The following FARP2 variants were observed in gnomAD, a reference collection of about 807,000 sequenced individuals.
FARP2 encodes FERM, ARH/RhoGEF and pleckstrin domain protein 2.
A neutral mutation model predicts 130.5 loss-of-function variants in FARP2; 111 were observed. The observed-to-expected ratio is 0.85, with a 90% CI of 0.73 to 1.00. The LOEUF is 1.00. FARP2 is among the 50% of genes least tolerant of loss of function. The pLI is 0.00. For synonymous variants in FARP2, 504 were observed against 516.9 expected (o/e 0.98, Z 0.34); for missense variants, 1,385 against 1,346.3 (o/e 1.03, Z -0.45).
intron 8 of FARP2, among the ~76,000 whole-genome samples, chr2:241,427,948 A>G (rs1369148956): frequency 6.6e-6 from 1 of 151,984 alleles, no homozygotes; most frequent in African/African-American, 2.4e-5. Context: ...TTGTATTTTT[A>G]GTAGAGGCGG....
Position 241,413,297 on chromosome 2 carries a change from C to T in FARP2, c.509-10C>T, listed in dbSNP as rs754342541. 3 of 1,562,580 alleles carry T rather than the reference C, an allele frequency of 1.9e-6. No individual in the cohort carries two copies. The highest frequency in any genetic ancestry group is 2.6e-6 in the Non-Finnish European group (3 of 1,142,178). On this transcript the variant is annotated splice_polypyrimidine_tract_variant and intron_variant, in intron 6 of 26. Coordinates refer to ENST00000264042, the MANE Select transcript of FARP2 (RefSeq NM_014808.4). Reference sequence around the variant, plus strand: ...TTAAAAATTAGTTACTTACTTTTAACCTATCTCAGCGGAAATAGGAGATTA... The same window carrying T: ...TTAAAAATTAGTTACTTACTTTTAATCTATCTCAGCGGAAATAGGAGATTA...
intron 2 of FARP2, among the ~76,000 whole-genome samples, chr2:241,379,487 T>C (rs920702045): frequency 3.3e-5 from 5 of 152,352 alleles, no homozygotes; most frequent in Admixed American, 3.3e-4. Flanking sequence ...GGGTGGACTT[T>C]CCTTTTCTTT....
chr2:241,462,481 AT>A (rs1314578089), intron 14 of FARP2, 41 bp from the exon 15 acceptor site: 1 of 1,437,746 alleles, frequency 7.0e-7, no homozygotes, highest in African/African-American at 1.4e-5. Flanking sequence ...GGAGGGTCCC[AT>A]GTCCCAGGGA....
At chr2:241,406,631 G>T (rs982647605) in intron 4 of FARP2, among the ~76,000 whole-genome samples, 1 of 151,594 alleles carries the variant, frequency 6.6e-6, no homozygotes, top group Admixed American at 6.6e-5. Context: ...TTTTTTTGGG[G>T]GGGAGAGGGG....
At chr2:241,448,640 A>G (rs2150432340) in intron 13 of FARP2, among the ~76,000 whole-genome samples, 1 of 152,354 alleles carries the variant, frequency 6.6e-6, no homozygotes, top group South Asian at 2.1e-4. Context: ...ATCTGGACAA[A>G]TGGCCCAAAG....
intron 13 of FARP2, chr2:241,444,588 T>C (rs1340532903): frequency 6.6e-6 from 1 of 152,254 alleles, no homozygotes; most frequent in Non-Finnish European, 1.5e-5. Flanking sequence ...AAGCTAATGC[T>C]GTGGAAGCTG....
At chr2:241,455,791 G>GT (rs1256249512) in intron 13 of FARP2, among the ~76,000 whole-genome samples, 1 of 136,296 alleles carries the variant, frequency 7.3e-6, no homozygotes, top group Non-Finnish European at 1.5e-5. Flanking sequence ...CCAGGCTGGA[G>GT]TGCAGTGGTG....
At chr2:241,361,428 C>G (rs1022172914) in intron 1 of FARP2, among the ~76,000 whole-genome samples, 1 of 152,224 alleles carries the variant, frequency 6.6e-6, no homozygotes, top group African/African-American at 2.4e-5. Flanking sequence ...CTTTCTCCAA[C>G]TTAATGTACC....
intron 17 of FARP2, among the ~76,000 whole-genome samples, chr2:241,466,885 G>T (rs892888932): frequency 1.3e-5 from 2 of 151,826 alleles, no homozygotes; most frequent in Non-Finnish European, 2.9e-5. Context: ...ATTCCTTTAT[G>T]ATAGGATTCT....
chr2:241,401,935 G>A (rs913755468), intron 2 of FARP2, among the ~76,000 whole-genome samples: 11 of 152,046 alleles, frequency 7.2e-5, no homozygotes, highest in African/African-American at 1.9e-4. Context: ...GATTACAGGC[G>A]TGCACCACCA....
chr2:241,397,844 T>C (rs1040907235), intron 2 of FARP2, among the ~76,000 whole-genome samples: 2 of 150,096 alleles, frequency 1.3e-5, no homozygotes, highest in African/African-American at 2.4e-5. Flanking sequence ...TTTTTTTTTT[T>C]TTTTTGAGAC....
At chr2:241,406,701 T>C (rs890671079) in intron 4 of FARP2, among the ~76,000 whole-genome samples, 2 of 152,154 alleles carry the variant, frequency 1.3e-5, no homozygotes, top group Non-Finnish European at 2.9e-5. Flanking sequence ...TGGGTTCAAG[T>C]GATCCACCAG....
chr2:241,471,785 G>A (rs575009368), intron 18 of FARP2, among the ~76,000 whole-genome samples: 54 of 152,140 alleles, frequency 3.5e-4, no homozygotes, highest in Admixed American at 9.8e-4. Context: ...ATGAGCCACC[G>A]CGCCCAGCCG....
At chr2:241,460,525 A>G (rs2063985852) in intron 14 of FARP2, among the ~76,000 whole-genome samples, 1 of 151,826 alleles carries the variant, frequency 6.6e-6, no homozygotes, top group Non-Finnish European at 1.5e-5. Flanking sequence ...TGATCCTCCC[A>G]TATCAGCCTC....
At chr2:241,462,045 T>C (rs2064034784) in intron 14 of FARP2, among the ~76,000 whole-genome samples, 2 of 152,318 alleles carry the variant, frequency 1.3e-5, no homozygotes, top group South Asian at 4.1e-4. Flanking sequence ...GGGCTGTCTC[T>C]AGCAGGGCAC....
chr2:241,357,660 T>G (rs1276334171), intron 1 of FARP2, among the ~76,000 whole-genome samples: 1 of 152,190 alleles, frequency 6.6e-6, no homozygotes, highest in Non-Finnish European at 1.5e-5. Flanking sequence ...AAATACCATC[T>G]GTACTTCTCA....
At chr2:241,433,734 A>C (rs2063148757) in intron 9 of FARP2, among the ~76,000 whole-genome samples, 1 of 151,940 alleles carries the variant, frequency 6.6e-6, no homozygotes, top group Non-Finnish European at 1.5e-5. Flanking sequence ...TTTTAGAAAA[A>C]CCCTTCCTGG....
At position 241,493,394 on chromosome 2, in the gene FARP2, C is replaced by G; in HGVS notation, c.2997C>G (p.Phe999Leu). The G allele has an allele frequency of 6.2e-7, 1 of 1,613,970 alleles. No individual in the cohort carries two copies. Among genetic ancestry groups the G allele is most frequent in the Non-Finnish European group, 8.5e-7 (1 of 1,179,992 alleles). The stretch of plus-strand genomic sequence containing the variant: ...AAGACTATGTTTTCAAGCTCCAGTT[C>G]AAATCCCACGTCTACTTCTTCCGGG... ...IHKDYVFKLQ[F>L]KSHVYFFRAE... is the part of the protein sequence containing the mutation. Residue 999 changes from phenylalanine to leucine, a missense_variant, in exon 26 of 27, where the codon TTC becomes TTG. Phe to Leu is a conservative substitution (Grantham distance 22). Transcript: ENST00000264042.
intron 9 of FARP2, among the ~76,000 whole-genome samples, chr2:241,432,880 A>T (rs6740819): frequency 0.021 from 3,164 of 152,308 alleles, 119 homozygotes; most frequent in African/African-American, 0.073. Context: ...ATTTTGGGTT[A>T]TGGGAGATTT....
Sources: gnomAD v4.1 joint callset for allele counts (sites outside exome capture counted in the v4.1 genomes callset) on GRCh38, gnomAD v4.1.1 for gene constraint, MANE v1.5 for transcripts, NCBI Gene and HGNC (gene_info 2026-07-23, HGNC 2026-07-21) for gene names.